Variants in HAVCR1 observed in about 807,000 individuals in gnomAD.
HAVCR1 encodes the protein T cell immunoglobin domain and mucin domain protein 1.
Under a neutral mutation model 32.0 loss-of-function variants are expected in HAVCR1, and 34 were observed. The observed-to-expected ratio is 1.06, with a 90% CI of 0.81 to 1.42. HAVCR1 has a LOEUF of 1.42. Ranked by LOEUF, HAVCR1 falls within the 40% of genes most tolerant of loss-of-function variation. The pLI, the probability that HAVCR1 is intolerant of heterozygous loss-of-function variation, is 0.00. For synonymous variants in HAVCR1, 178 were observed against 170.3 expected, an observed-to-expected ratio of 1.05 and a Z score of -0.35; for missense variants, 420 against 442.3, an observed-to-expected ratio of 0.95 and a Z score of 0.45.
At chr5:157,046,839 A>G (rs186761697) in intron 5 of HAVCR1, among the ~76,000 whole-genome samples, 2 of 152,314 alleles carry the variant, frequency 1.3e-5, no homozygotes, top group Admixed American at 6.5e-5. Flanking sequence ...GGCCTTTTAT[A>G]AGAGCATTGA....
At chr5:157,057,730 A>G (rs905561493) in intron 2 of HAVCR1, among the ~76,000 whole-genome samples, 168 bp downstream of exon 2, 6 of 152,198 alleles carry the variant, frequency 3.9e-5, no homozygotes, top group Non-Finnish European at 8.8e-5. Context: ...TTTGGCCTAA[A>G]ACTTTATTCT....
the HAVCR1 span, among the ~76,000 whole-genome samples, chr5:157,064,696 G>T: frequency 2.0e-5 from 3 of 151,922 alleles, no homozygotes; most frequent in African/African-American, 7.3e-5. Context: ...GCAAAACCCT[G>T]TCTCTACTAA....
chr5:157,029,565 C>T lies in HAVCR1; in HGVS notation c.*168G>A, dbSNP rs1199690580. ...CATTAATGATGAGGTTGACTATACA[C>T]AGTTTGGAGTGAGAGAGTTACTCTA... is the stretch of plus-strand genomic sequence containing the variant. On this transcript the variant is annotated 3_prime_UTR_variant, in exon 9 of 9. Coordinates refer to ENST00000523175, the MANE Select transcript of HAVCR1 (RefSeq NM_001173393.3). 6.6e-7 allele frequency: 1 copy of T among 1,519,018 alleles called. No homozygotes were observed. Among genetic ancestry groups the T allele is most frequent in the South Asian group, 1.2e-5 (1 of 83,810 alleles). 94.1% of individuals were successfully genotyped at this position (1,519,018 alleles called of 1,614,324 possible).
At chr5:157,033,002 C>G (rs530801192) in intron 7 of HAVCR1, 115 bp from the exon 8 acceptor site, 2 of 677,612 alleles carry the variant, frequency 3.0e-6, no homozygotes, top group East Asian at 5.3e-5. Flanking sequence ...AGATTTTTCC[C>G]TGGTACCTTG....
At chr5:157,059,358 G>C (rs1388833861), upstream of HAVCR1, among the ~76,000 whole-genome samples, 2 of 152,194 alleles carry the variant, frequency 1.3e-5, no homozygotes, top group African/African-American at 4.8e-5. Context: ...TCTCAGCATA[G>C]TGTTTTGTAT....
intron 6 of HAVCR1, among the ~76,000 whole-genome samples, chr5:157,039,631 G>A (rs1347421200): frequency 6.6e-6 from 1 of 152,202 alleles, no homozygotes; most frequent in Non-Finnish European, 1.5e-5. Context: ...TTACAGGCGT[G>A]AGCCAGCGTG....
chr5:157,062,399 A>C (rs574599783), upstream of HAVCR1, among the ~76,000 whole-genome samples: 4 of 152,272 alleles, frequency 2.6e-5, no homozygotes, highest in African/African-American at 7.2e-5. Context: ...TCAGAAAAGA[A>C]AATAATTCAC....
chr5:157,034,440 T>C (rs2113488384), intron 7 of HAVCR1, among the ~76,000 whole-genome samples: 1 of 151,814 alleles, frequency 6.6e-6, no homozygotes, highest in South Asian at 2.1e-4. Flanking sequence ...TCTCAGTAAA[T>C]AGAATGTATG....
At chr5:157,044,271 A>G (rs1237581140) in intron 5 of HAVCR1, among the ~76,000 whole-genome samples, 1 of 150,882 alleles carries the variant, frequency 6.6e-6, no homozygotes, top group African/African-American at 2.4e-5. Flanking sequence ...GGTGGAGATT[A>G]CAGTGAGCCA....
chr5:157,054,206 A>T (rs934961816), intron 3 of HAVCR1, among the ~76,000 whole-genome samples: 2 of 151,178 alleles, frequency 1.3e-5, no homozygotes, highest in African/African-American at 4.9e-5. Flanking sequence ...AAAAAAAAAA[A>T]AAAAAAACAA....
At chr5:157,057,635 A>G (rs993715985) in intron 2 of HAVCR1, among the ~76,000 whole-genome samples, 8 of 152,170 alleles carry the variant, frequency 5.3e-5, no homozygotes, top group Non-Finnish European at 1.0e-4. Flanking sequence ...TTTAAACACA[A>G]AGGGCAGCCT....
In HAVCR1 at chr5:157,057,914, G is replaced by A. The variant is rs747588373; in HGVS notation, c.30C>T (p.Leu10=). The change falls in exon 2 of 9, where the codon CTC becomes CTT. Residue 10 remains leucine, a synonymous_variant. Coordinates refer to ENST00000523175, the MANE Select transcript of HAVCR1 (RefSeq NM_001173393.3). MHPQVVILS[L]ILHLADSVAG... is the part of the protein sequence containing the mutation. ...CTCACTTACCTGCCAGATGTAGGAT[G>A]AGGCTTAAGATGACCACTTGAGGAT... is the stretch of plus-strand genomic sequence containing the variant. The A allele has an allele frequency of 3.1e-6, 5 of 1,613,684 alleles. No individual in the cohort carries two copies. The Admixed American group carries it at 8.3e-5, about 27-fold the overall frequency.
intron 4 of HAVCR1, among the ~76,000 whole-genome samples, chr5:157,051,535 T>TTC (rs1263233006): frequency 1.3e-3 from 200 of 152,092 alleles, no homozygotes; most frequent in African/African-American, 4.8e-3. Flanking sequence ...GTAAATTTCT[T>TTC]TTTTCTTTCT....
upstream of HAVCR1, among the ~76,000 whole-genome samples, chr5:157,062,248 C>T (rs1756505818): frequency 1.3e-5 from 2 of 152,150 alleles, no homozygotes; most frequent in Admixed American, 1.3e-4. Flanking sequence ...TGGTGGGTGC[C>T]TGTAATCCCA....
the HAVCR1 span, among the ~76,000 whole-genome samples, chr5:157,065,116 G>C: frequency 9.2e-5 from 14 of 152,078 alleles, no homozygotes; most frequent in Non-Finnish European, 1.9e-4. Context: ...TCACGAGATC[G>C]AGACTGTGCT....
At position 157,029,455 on chromosome 5, in the gene HAVCR1, A is replaced by T. The variant is rs1410001515; in HGVS notation, c.*278T>A. On this transcript the variant is annotated 3_prime_UTR_variant, in exon 9 of 9. Coordinates refer to ENST00000523175, the MANE Select transcript of HAVCR1 (RefSeq NM_001173393.3). ...AGGATTTATGGGGTCTAAAAAGAAC[A>T]TACAATTATAAAGTGTTCATATTTG... The T allele has an allele frequency of 1.5e-6, 1 of 661,688 alleles. No individual in the cohort carries two copies. The highest frequency in any genetic ancestry group is 2.6e-6 in the Non-Finnish European group (1 of 388,918). 41.0% of individuals were successfully genotyped at this position (661,688 alleles called of 1,614,324 possible). A position where few individuals can be genotyped will look rare whatever the true frequency, so the allele number is the denominator to read the frequency against.
chr5:157,039,295 T>A (rs938903398), intron 6 of HAVCR1, among the ~76,000 whole-genome samples: 2 of 152,232 alleles, frequency 1.3e-5, no homozygotes, highest in African/African-American at 4.8e-5. Context: ...AGTAGCTTCT[T>A]TCACTTAATA....
Position 157,044,605 on chromosome 5 carries a change from AAG to A in HAVCR1, c.782-1925_782-1924del, listed in dbSNP as rs200463405. Among the ~76,000 whole-genome samples, 3 of 84,362 alleles carry A rather than the reference AAG, an allele frequency of 3.6e-5. No individual in the cohort carries two copies. In the East Asian group the frequency reaches 1.2e-3, roughly 34 times the overall value. 55.3% of individuals were successfully genotyped at this position (84,362 alleles called of 152,430 possible). A position where few individuals can be genotyped will look rare whatever the true frequency, so the allele number is the denominator to read the frequency against. On this transcript the variant is annotated intron_variant, in intron 5 of 8. Coordinates refer to ENST00000523175, the MANE Select transcript of HAVCR1 (RefSeq NM_001173393.3). ...AAAGAAGGAAAGAAAGAAAGAAAGA[AAG>A]AAAGAAAGAGAAAGAAAGAAAGAAA...
intron 8 of HAVCR1, among the ~76,000 whole-genome samples, chr5:157,031,790 G>T (rs1200752485): frequency 1.1e-5 from 1 of 91,286 alleles, no homozygotes; most frequent in Non-Finnish European, 2.1e-5. Context: ...CAGCCTGGGT[G>T]TCTCAAAAAA....
Sources: allele counts gnomAD v4.1 joint callset (sites outside exome capture counted in the v4.1 genomes callset), GRCh38; gene constraint gnomAD v4.1.1; transcripts MANE v1.5; gene names NCBI Gene and HGNC (gene_info 2026-07-23, HGNC 2026-07-21).